Variants in NARS2 observed in about 807,000 individuals in gnomAD.
NARS2 encodes the protein asparaginyl-tRNA synthetase 2, mitochondrial.
NARS2 carries 60 observed loss-of-function variants against 62.9 expected under a neutral mutation model. The observed-to-expected ratio is 0.95, with a 90% CI of 0.77 to 1.18. The LOEUF is 1.18. Ranked by LOEUF, NARS2 falls within the 50% of genes most tolerant of loss-of-function variation. The pLI, the probability that NARS2 is intolerant of heterozygous loss-of-function variation, is 0.00. For synonymous variants in NARS2, 196 were observed against 200.0 expected, an observed-to-expected ratio of 0.98 and a Z score of 0.17; for missense variants, 619 against 576.4, an observed-to-expected ratio of 1.07 and a Z score of -0.76.
intron 6 of NARS2, among the ~76,000 whole-genome samples, chr11:78,526,883 G>C (rs1165026483): frequency 6.6e-6 from 1 of 152,234 alleles, no homozygotes; most frequent in East Asian, 1.9e-4. Flanking sequence ...TCCAAACCTT[G>C]AATATAAGGC....
At chr11:78,491,069 C>G (rs1176165237) in intron 7 of NARS2, among the ~76,000 whole-genome samples, 2 of 152,160 alleles carry the variant, frequency 1.3e-5, no homozygotes, top group Non-Finnish European at 2.9e-5. Context: ...GGGATGGGCT[C>G]AAGTGAAAGC....
At chr11:78,532,872 T>C (rs966016532) in intron 5 of NARS2, among the ~76,000 whole-genome samples, 5 of 152,242 alleles carry the variant, frequency 3.3e-5, no homozygotes, top group African/African-American at 1.2e-4. Context: ...TAAATCAGCA[T>C]TGTATTAAAA....
chr11:78,476,982 T>C (rs967499054), intron 9 of NARS2, among the ~76,000 whole-genome samples: 1 of 152,220 alleles, frequency 6.6e-6, no homozygotes, highest in Admixed American at 6.5e-5. Context: ...TCTCCATCTG[T>C]AGAATGAGAA....
chr11:78,555,977 T>C (rs774911086), intron 5 of NARS2, among the ~76,000 whole-genome samples: 3 of 152,242 alleles, frequency 2.0e-5, no homozygotes, highest in Non-Finnish European at 4.4e-5. Context: ...AGTTTCCCTG[T>C]AATCATATGA....
chr11:78,557,572 G>A (rs1028621743), intron 5 of NARS2, among the ~76,000 whole-genome samples: 1 of 152,168 alleles, frequency 6.6e-6, no homozygotes, highest in Non-Finnish European at 1.5e-5. Flanking sequence ...CTGACTGTAG[G>A]AGCCTAGGAT....
In NARS2 at chr11:78,436,013, A is replaced by G. The variant is rs1431116245; in HGVS notation, c.*657T>C. On this transcript the variant is annotated 3_prime_UTR_variant, in exon 14 of 14. Transcript: ENST00000281038. ...TTTATTAGACAAATTATAAACATCA[A>G]ATATAAACAAATTATAACAACAGTG... 2 of 152,178 alleles carry G rather than the reference A, an allele frequency of 1.3e-5. No homozygotes were observed. Among genetic ancestry groups the G allele is most frequent in the Non-Finnish European group, 2.9e-5 (2 of 68,012 alleles). The allele number at this position is 152,178 out of a possible 1,614,324, so 9.4% of individuals were successfully genotyped here.
At chr11:78,504,816 T>C (rs1860426234) in intron 6 of NARS2, among the ~76,000 whole-genome samples, 1 of 152,150 alleles carries the variant, frequency 6.6e-6, no homozygotes, top group Non-Finnish European at 1.5e-5. Flanking sequence ...CTATCAACTT[T>C]AGGGTGATCA....
At chr11:78,541,188 C>T (rs1479480513) in intron 5 of NARS2, among the ~76,000 whole-genome samples, 1 of 152,124 alleles carries the variant, frequency 6.6e-6, no homozygotes, top group Admixed American at 6.5e-5. Flanking sequence ...TTCAACTTCC[C>T]TCTTGTAAAA....
At chr11:78,556,618 T>C (rs911657318) in intron 5 of NARS2, among the ~76,000 whole-genome samples, 4 of 152,250 alleles carry the variant, frequency 2.6e-5, no homozygotes, top group Non-Finnish European at 1.5e-5. Context: ...TTTCCATCTA[T>C]AAAACTAGCC....
At chr11:78,484,585 G>C (rs1038419348) in intron 7 of NARS2, among the ~76,000 whole-genome samples, 6 of 152,120 alleles carry the variant, frequency 3.9e-5, no homozygotes, top group African/African-American at 1.4e-4. Flanking sequence ...TGAAGGATAT[G>C]AACAGACACT....
In NARS2 at chr11:78,470,775, T is replaced by A. The variant is rs566767212; in HGVS notation, c.960-1462A>T. The stretch of plus-strand genomic sequence containing the variant: ...TGCAATTTTTATATTTTCTGAAAGG[T>A]TTTGCCAAAGATATTGCCCCCTTTT... On this transcript the variant is annotated intron_variant, in intron 9 of 13. Transcript: ENST00000281038. 7.4e-3 allele frequency among the ~76,000 whole-genome samples: 1,133 copies of A among 152,184 alleles called. 10 individuals are homozygous for A. The highest frequency in any genetic ancestry group is 0.017 in the Middle Eastern group (5 of 292).
chr11:78,536,610 TACA>T (rs1481608549), intron 5 of NARS2, among the ~76,000 whole-genome samples: 27 of 152,246 alleles, frequency 1.8e-4, no homozygotes, highest in Admixed American at 6.5e-4. Flanking sequence ...TTTGTACTCA[TACA>T]ACGTGTTTTA....
chr11:78,488,601 A>G (rs940448857), intron 7 of NARS2, among the ~76,000 whole-genome samples: 2 of 152,206 alleles, frequency 1.3e-5, no homozygotes, highest in Admixed American at 6.5e-5. Context: ...AGTTGTTTTA[A>G]CCCACCAGGT....
intron 9 of NARS2, among the ~76,000 whole-genome samples, chr11:78,471,541 T>G (rs1208072728): frequency 6.6e-6 from 1 of 152,124 alleles, no homozygotes; most frequent in Non-Finnish European, 1.5e-5. Flanking sequence ...TTTTTTTTCT[T>G]TTATTATTAT....
At chr11:78,565,467 C>G (rs1357954409) in intron 4 of NARS2, among the ~76,000 whole-genome samples, 1 of 152,140 alleles carries the variant, frequency 6.6e-6, no homozygotes, top group East Asian at 1.9e-4. Context: ...AGCTTACTAC[C>G]TTGAGATCTT....
intron 9 of NARS2, among the ~76,000 whole-genome samples, chr11:78,474,191 TATTGTC>T (rs1164786611): frequency 2.0e-5 from 3 of 152,322 alleles, no homozygotes; most frequent in Admixed American, 6.5e-5. Flanking sequence ...CTTTTAACAG[TATTGTC>T]ATTAAATCCT....
At chr11:78,540,684 A>G (rs1855578302) in intron 5 of NARS2, among the ~76,000 whole-genome samples, 1 of 152,190 alleles carries the variant, frequency 6.6e-6, no homozygotes, top group African/African-American at 2.4e-5. Context: ...TCATAATGGC[A>G]TGCTATTGTC....
At chr11:78,468,406 GTCA>G (rs1258723892) in intron 10 of NARS2, among the ~76,000 whole-genome samples, 2 of 149,658 alleles carry the variant, frequency 1.3e-5, no homozygotes, top group Non-Finnish European at 3.0e-5. Flanking sequence ...TCTTTTGTTG[GTCA>G]TCTTTTTTTT....
At chr11:78,465,831 C>T in intron 11 of NARS2, 45 bp downstream of exon 11, 1 of 1,604,734 alleles carries the variant, frequency 6.2e-7, no homozygotes, top group African/African-American at 1.3e-5. Flanking sequence ...ATGAAAAACC[C>T]AACCTAAGAG....
Sources: allele counts gnomAD v4.1 joint callset (sites outside exome capture counted in the v4.1 genomes callset), GRCh38; gene constraint gnomAD v4.1.1; transcripts MANE v1.5; gene names NCBI Gene and HGNC (gene_info 2026-07-23, HGNC 2026-07-21).